Variants in SGIP1 observed in about 807,000 individuals in gnomAD.
SGIP1 encodes SH3-containing GRB2-like protein 3-interacting protein 1.
SGIP1 carries 38 observed loss-of-function variants against 107.5 expected under a neutral mutation model. The ratio of observed to expected loss-of-function variants is 0.35; its 90% CI spans 0.27 to 0.46. SGIP1 has a LOEUF of 0.46. Ranked by LOEUF, SGIP1 falls within the 20% of genes least tolerant of loss-of-function variation. SGIP1 has a pLI of 1.00. For missense variants in SGIP1, 929 were observed against 1,019.5 expected (o/e 0.91, Z 1.21); for synonymous variants, 365 against 366.1 (o/e 1.00, Z 0.03).
At chr1:66,737,436 T>TA (rs2094304777) in intron 21 of SGIP1, among the ~76,000 whole-genome samples, 1 of 152,142 alleles carries the variant, frequency 6.6e-6, no homozygotes, top group South Asian at 2.1e-4. Flanking sequence ...CTCATGTCTG[T>TA]AATCCTAACA....
In SGIP1 at chr1:66,745,416, A is replaced by G. The variant is rs1326069965; in HGVS notation, c.*2321A>G. ...CACCTTTCAGAAAAGAGATCAAATA[A>G]TAACACAATAAGCTGGTATCAGGGA... On this transcript the variant is annotated 3_prime_UTR_variant, in exon 25 of 25. Transcript: ENST00000371037. 6.6e-6 allele frequency: 1 copy of G among 152,098 alleles called. No homozygotes were observed. 9.4% of individuals were successfully genotyped at this position (152,098 alleles called of 1,614,324 possible). A position where few individuals can be genotyped will look rare whatever the true frequency, so the allele number is the denominator to read the frequency against.
At position 66,654,520 on chromosome 1, in the gene SGIP1, G is replaced by A. The variant is rs2079357375; in HGVS notation, c.460-5993G>A. The stretch of plus-strand genomic sequence containing the variant: ...AGTTTCTACAAATATGTGAATAATA[G>A]TATAAATAAGCATAACAGTATAAGA... On this transcript the variant is annotated intron_variant, in intron 7 of 24. Transcript: ENST00000371037. 2.6e-5 allele frequency among the ~76,000 whole-genome samples: 4 copies of A among 151,618 alleles called. No homozygotes were observed. The South Asian group carries it at 8.4e-4, about 32-fold the overall frequency.
At chr1:66,692,382 A>T (rs2090050032) in intron 17 of SGIP1, among the ~76,000 whole-genome samples, 1 of 152,002 alleles carries the variant, frequency 6.6e-6, no homozygotes, top group African/African-American at 2.4e-5. Flanking sequence ...ATACTGATTT[A>T]ATCTGTTTGA....
intron 8 of SGIP1, among the ~76,000 whole-genome samples, chr1:66,665,012 T>C (rs2082245130): frequency 6.6e-6 from 1 of 152,204 alleles, no homozygotes; most frequent in Non-Finnish European, 1.5e-5. Flanking sequence ...CTGGGATACA[T>C]GTGCACAACG....
At chr1:66,717,694 A>G (rs1457823194) in intron 18 of SGIP1, among the ~76,000 whole-genome samples, 1 of 152,148 alleles carries the variant, frequency 6.6e-6, no homozygotes, top group East Asian at 1.9e-4. Flanking sequence ...CCCAGTGCCA[A>G]TCTTAAACTT....
chr1:66,557,442 A>G (rs2058345901), intron 1 of SGIP1, among the ~76,000 whole-genome samples: 1 of 152,126 alleles, frequency 6.6e-6, no homozygotes, highest in South Asian at 2.1e-4. Flanking sequence ...GAAGGTCTAA[A>G]GTAAACTGCC....
Position 66,729,425 on chromosome 1 carries a change from T to C in SGIP1, c.1898+6T>C. ...AACCCCCAACTTCTCTGCTGGTAAA[T>C]ATGATTTTGCATAAATTTTTCAGAG... On this transcript the variant is annotated splice_donor_region_variant and intron_variant, in intron 20 of 24. Coordinates refer to ENST00000371037, the MANE Select transcript of SGIP1 (RefSeq NM_032291.4). 6.2e-7 allele frequency: 1 copy of C among 1,614,040 alleles called. No homozygotes were observed. The highest frequency in any genetic ancestry group is 8.5e-7 in the Non-Finnish European group (1 of 1,179,950).
intron 18 of SGIP1, among the ~76,000 whole-genome samples, chr1:66,714,063 C>T (rs1279282550): frequency 6.6e-6 from 1 of 152,134 alleles, no homozygotes; most frequent in East Asian, 1.9e-4. Flanking sequence ...CTCAGTAAAG[C>T]TCACCCTGAC....
At chr1:66,600,452 A>C (rs576064957) in intron 1 of SGIP1, among the ~76,000 whole-genome samples, 127 of 152,332 alleles carry the variant, frequency 8.3e-4, no homozygotes, top group Non-Finnish European at 1.2e-3. Context: ...TGATGGTGGC[A>C]GCAAGGAAAG....
chr1:66,583,033 C>A (rs1257179296), intron 1 of SGIP1, among the ~76,000 whole-genome samples: 2 of 151,796 alleles, frequency 1.3e-5, no homozygotes, highest in Non-Finnish European at 1.5e-5. Context: ...TTATATATAT[C>A]AAATCTCTGA....
chr1:66,730,970 A>G (rs547546713), intron 20 of SGIP1, among the ~76,000 whole-genome samples: 4 of 152,114 alleles, frequency 2.6e-5, no homozygotes, highest in Non-Finnish European at 4.4e-5. Flanking sequence ...AACCAGCCCC[A>G]AACTAGTAGC....
chr1:66,705,224 A>T (rs1557693290), intron 18 of SGIP1, among the ~76,000 whole-genome samples: 1 of 152,326 alleles, frequency 6.6e-6, no homozygotes, highest in East Asian at 1.9e-4. Flanking sequence ...ACCAGGACAC[A>T]AGTAAATATG....
At chr1:66,599,111 A>G (rs1390427471) in intron 1 of SGIP1, among the ~76,000 whole-genome samples, 1 of 152,184 alleles carries the variant, frequency 6.6e-6, no homozygotes, top group Non-Finnish European at 1.5e-5. Context: ...CTTTCAATTT[A>G]TGTGTATTTT....
intron 15 of SGIP1, among the ~76,000 whole-genome samples, chr1:66,685,156 A>G (rs961670488): frequency 6.6e-6 from 1 of 152,204 alleles, no homozygotes; most frequent in Non-Finnish European, 1.5e-5. Context: ...TTTTCATAAC[A>G]TTAGGCCTGA....
chr1:66,696,596 A>G (rs1416871154), intron 18 of SGIP1, among the ~76,000 whole-genome samples: 1 of 152,206 alleles, frequency 6.6e-6, no homozygotes, highest in Non-Finnish European at 1.5e-5. Flanking sequence ...AGTCATAGAG[A>G]TAGAAGTTCT....
rs142322920 is a variant in SGIP1 at position 66,582,537 on chromosome 1, T to C, written c.11-43310T>C. On this transcript the variant is annotated intron_variant, in intron 1 of 24. Transcript: ENST00000371037. ...TCAGTGGCTGAAGATGATTTTTTTT[T>C]TTTGTAAAGGGCTTTGCCAATTTAT... Among the ~76,000 whole-genome samples the C allele has an allele frequency of 2.0e-5, 3 of 152,138 alleles. No homozygotes were observed. The East Asian group carries it at 5.8e-4, about 29-fold the overall frequency.
chr1:66,739,148 A>G (rs2094362969), intron 21 of SGIP1, among the ~76,000 whole-genome samples, 187 bp from the exon 22 acceptor site: 1 of 152,166 alleles, frequency 6.6e-6, no homozygotes, highest in African/African-American at 2.4e-5. Flanking sequence ...CCGAGACTCT[A>G]ATAGCTGCTT....
intron 1 of SGIP1, among the ~76,000 whole-genome samples, chr1:66,604,378 A>C (rs1295323346): frequency 6.6e-6 from 1 of 152,218 alleles, no homozygotes; most frequent in East Asian, 1.9e-4. Flanking sequence ...CGTCTCAGAC[A>C]ATGAGATTCC....
chr1:66,682,830 C>T (rs550965289), intron 15 of SGIP1, among the ~76,000 whole-genome samples: 84 of 149,232 alleles, frequency 5.6e-4, no homozygotes, highest in Non-Finnish European at 1.1e-3. Context: ...TTTTTTTTTT[C>T]TATTTTTTTC....
Sources: allele counts gnomAD v4.1 joint callset (sites outside exome capture counted in the v4.1 genomes callset), GRCh38; gene constraint gnomAD v4.1.1; transcripts MANE v1.5; gene names NCBI Gene and HGNC (gene_info 2026-07-23, HGNC 2026-07-21).